Variants in HDAC7 observed in about 807,000 individuals in gnomAD.
The protein encoded by HDAC7 is histone deacetylase 7A.
Under a neutral mutation model 115.5 loss-of-function variants are expected in HDAC7, and 26 were observed. The ratio of observed to expected loss-of-function variants is 0.23; its 90% CI spans 0.16 to 0.31. HDAC7 has a LOEUF of 0.31. Ranked by LOEUF, HDAC7 falls within the 10% of genes least tolerant of loss-of-function variation. The pLI is 1.00. For synonymous variants in HDAC7, 564 were observed against 550.9 expected (o/e 1.02, Z -0.33); for missense variants, 1,068 against 1,329.0 (o/e 0.80, Z 3.05).
rs1416940176 is a variant in HDAC7, at chr12:47,783,503, G to C, written c.*338C>G. 5.7e-6 allele frequency: 2 copies of C among 350,206 alleles called. No individual in the cohort carries two copies. Among genetic ancestry groups the C allele is most frequent in the South Asian group, 2.9e-5 (1 of 34,264 alleles). 21.7% of individuals were successfully genotyped at this position (350,206 alleles called of 1,614,324 possible). A position where few individuals can be genotyped will look rare whatever the true frequency, so the allele number is the denominator to read the frequency against. On this transcript the variant is annotated 3_prime_UTR_variant, in exon 26 of 26. Coordinates refer to ENST00000080059, the MANE Select transcript of HDAC7 (RefSeq NM_015401.5). ...TTGCAGAGCCAGGAATAGTGGTTAAGGGTGAGCCCGACGGAGCCGGAGCCA... is the reference window on the plus strand; with the variant it reads ...TTGCAGAGCCAGGAATAGTGGTTAACGGTGAGCCCGACGGAGCCGGAGCCA...
rs1294500314 is a variant in HDAC7, at chr12:47,798,113, G to A, written c.456C>T (p.Pro152=). ...RTVHPNSPGI[P]YRTLEPLETE... Reference sequence around the variant, plus strand: ...GCAGGTGAGGAGGGTGTTACCTGTAGGGAATGCCGGGGCTGTTGGGATGGA... The same window carrying A: ...GCAGGTGAGGAGGGTGTTACCTGTAAGGAATGCCGGGGCTGTTGGGATGGA... The change falls in exon 5 of 26, where the codon CCC becomes CCT. Residue 152 remains proline (P), a synonymous_variant. Coordinates refer to ENST00000080059, the MANE Select transcript of HDAC7 (RefSeq NM_015401.5). The surrounding 1 kb of genome is among the most constrained non-coding windows in gnomAD (Gnocchi z 4.3). The A allele has an allele frequency of 1.2e-6, 2 of 1,612,356 alleles. No individual in the cohort carries two copies.
At position 47,798,508 on chromosome 12, in the gene HDAC7, C is replaced by T. The variant is rs1943992623; in HGVS notation, c.349+54G>A. 1 of 1,533,164 alleles carries T rather than the reference C, an allele frequency of 6.5e-7. No individual in the cohort carries two copies. 95.0% of individuals were successfully genotyped at this position (1,533,164 alleles called of 1,614,324 possible). A position where few individuals can be genotyped will look rare whatever the true frequency, so the allele number is the denominator to read the frequency against. ...CACCCCTCACAAGCCACACAGGCAG[C>T]CGCAGGCACCTGGCTGGTGGGGCTG... is the stretch of plus-strand genomic sequence containing the variant. On this transcript the variant is annotated intron_variant, in intron 4 of 25. Coordinates refer to ENST00000080059, the MANE Select transcript of HDAC7 (RefSeq NM_015401.5). The surrounding 1 kb of genome is among the most constrained non-coding windows in gnomAD (Gnocchi z 4.3).
upstream of HDAC7, among the ~76,000 whole-genome samples, chr12:47,821,177 G>A (rs1945013117): frequency 6.6e-6 from 1 of 152,198 alleles, no homozygotes; most frequent in Non-Finnish European, 1.5e-5. Context: ...GAAAAATTGA[G>A]GCAGCCCCAG....
chr12:47,789,965 C>T lies in HDAC7; in HGVS notation c.1984-45G>A, dbSNP rs1293212079. On this transcript the variant is annotated intron_variant, in intron 16 of 25. Coordinates refer to ENST00000080059, the MANE Select transcript of HDAC7 (RefSeq NM_015401.5). ...GGCCCGCATCATCCAAGGCTTCACACAGGAGCCAGGGCCCAAGGGGGTGGT... is the reference window on the plus strand; with the variant it reads ...GGCCCGCATCATCCAAGGCTTCACATAGGAGCCAGGGCCCAAGGGGGTGGT... 4 of 1,440,594 alleles carry T rather than the reference C, an allele frequency of 2.8e-6. No individual in the cohort carries two copies. The South Asian group carries it at 3.4e-5, about 12-fold the overall frequency. 89.2% of individuals were successfully genotyped at this position (1,440,594 alleles called of 1,614,324 possible).
In HDAC7 at chr12:47,793,471, A is replaced by C; in HGVS notation, c.1576T>G (p.Ser526Ala). Residue 526 changes from serine (S) to alanine (A), a missense_variant, in exon 13 of 26, where the codon TCC (serine) becomes GCC (alanine). Transcript: ENST00000080059. This position sits in a 1 kb window ranked among gnomAD's most constrained non-coding sequence, Gnocchi z 4.5. ...GHRPLSRAQS[S>A]PAAPASLSAP... ...GACAGTGAGGCAGGTGCGGCTGGGG[A>C]AGACTGAGCCCGGGACAGAGGCCGG... The C allele has an allele frequency of 6.4e-7, 1 of 1,551,988 alleles. No individual in the cohort carries two copies. The highest frequency in any genetic ancestry group is 1.4e-5 in the African/African-American group (1 of 73,672).
At position 47,795,522 on chromosome 12, in the gene HDAC7, C is replaced by T. The variant is rs1943767466; in HGVS notation, c.1087+65G>A. 1 of 1,509,360 alleles carries T rather than the reference C, an allele frequency of 6.6e-7. No individual in the cohort carries two copies. The highest frequency in any genetic ancestry group is 9.0e-7 in the Non-Finnish European group (1 of 1,115,220). 93.5% of individuals were successfully genotyped at this position (1,509,360 alleles called of 1,614,324 possible). ...AGATGGGGAGGAAGGATGGGTCCAT[C>T]CCAAGCTTGGCTCTTAGCAGGGTGC... On this transcript the variant is annotated intron_variant, in intron 10 of 25. Transcript: ENST00000080059. This position sits in a 1 kb window ranked among gnomAD's most constrained non-coding sequence, Gnocchi z 4.3.
chr12:47,795,750 C>T lies in HDAC7; in HGVS notation c.924G>A (p.Arg308=), dbSNP rs1412032751. ...CCCGAGGGCCCAGAGTCGGATGGGT[C>T]CTGCGGTCACTGTCAGCCTGGGGGA... The part of the protein sequence containing the change: ...PAPARADSDR[R]THPTLGPRGP... The change falls in exon 10 of 26, where the codon AGG becomes AGA. Residue 308 remains arginine, a synonymous_variant. Coordinates refer to ENST00000080059, the MANE Select transcript of HDAC7 (RefSeq NM_015401.5). The surrounding 1 kb of genome is among the most constrained non-coding windows in gnomAD (Gnocchi z 4.3). The T allele has an allele frequency of 3.3e-6, 5 of 1,536,950 alleles. No individual in the cohort carries two copies. Among genetic ancestry groups the T allele is most frequent in the Non-Finnish European group, 4.4e-6 (5 of 1,139,536 alleles).
chr12:47,799,044 C>G (rs1349834251), intron 2 of HDAC7, 72 bp from the exon 3 acceptor site: 2 of 1,020,404 alleles, frequency 2.0e-6, no homozygotes. Flanking sequence ...CCTGATCCCC[C>G]CTCAGCCTCC....
rs932772998 is a variant in HDAC7, at chr12:47,789,926, G to A, written c.1984-6C>T. The A allele has an allele frequency of 6.2e-7, 1 of 1,604,170 alleles. No homozygotes were observed. Among genetic ancestry groups the A allele is most frequent in the African/African-American group, 1.3e-5 (1 of 74,900 alleles). On this transcript the variant is annotated splice_polypyrimidine_tract_variant and splice_region_variant and intron_variant, in intron 16 of 25. Transcript: ENST00000080059. ...CAGATGGTGTCAGTGTCCACCTGCG[G>A]GAGCCAGAGTCAGGGCCCGCATCAT...
In HDAC7 at chr12:47,792,040, G is replaced by A. The variant is rs370233133; in HGVS notation, c.1679-36C>T. On this transcript the variant is annotated intron_variant, in intron 13 of 25. Coordinates refer to ENST00000080059, the MANE Select transcript of HDAC7 (RefSeq NM_015401.5). ...AAGGGTCAGAGCGGGGACCCAGGGA[G>A]TCCTCACGCCCCATGGCCTTGGCTG... is the stretch of plus-strand genomic sequence containing the variant. 7 of 1,572,340 alleles carry A rather than the reference G, an allele frequency of 4.5e-6. No homozygotes were observed. In the African/African-American group the frequency reaches 9.4e-5, roughly 21 times the overall value.
Position 47,798,390 on chromosome 12 carries a change from C to A in HDAC7, c.350-171G>T, listed in dbSNP as rs547227029. Among the ~76,000 whole-genome samples, 259 of 152,118 alleles carry A rather than the reference C, an allele frequency of 1.7e-3. No homozygotes were observed. Among genetic ancestry groups the A allele is most frequent in the Admixed American group, 3.1e-3 (47 of 15,294 alleles). ...CCTAGAGCCTCCAGACACCACCCCC[C>A]ACCCCCACATCCCCCACACATTCAC... On this transcript the variant is annotated intron_variant, in intron 4 of 25. Coordinates refer to ENST00000080059, the MANE Select transcript of HDAC7 (RefSeq NM_015401.5). The surrounding 1 kb of genome is among the most constrained non-coding windows in gnomAD (Gnocchi z 4.3).
intron 15 of HDAC7, 62 bp from the exon 16 acceptor site, chr12:47,791,370 G>A: frequency 6.7e-7 from 1 of 1,487,586 alleles, no homozygotes; most frequent in Non-Finnish European, 9.0e-7. Flanking sequence ...CCAACAGGGA[G>A]CAGGGAGCCC....
chr12:47,808,943 T>C (rs971297090), intron 1 of HDAC7, among the ~76,000 whole-genome samples: 1 of 152,212 alleles, frequency 6.6e-6, no homozygotes, highest in African/African-American at 2.4e-5. Flanking sequence ...TTCACCATGA[T>C]GTCTAACTAC....
In HDAC7 at chr12:47,791,941, G is replaced by C; in HGVS notation, c.1742C>G (p.Pro581Arg). The C allele has an allele frequency of 6.2e-7, 1 of 1,610,686 alleles. No individual in the cohort carries two copies. ...QCSCGDNSRH[P>R]EHAGRIQSIW... is the part of the protein sequence containing the mutation. ...GCTCTGGATGCGGCCGGCGTGCTCC[G>C]GGTGCCTGCTGTTGTCACCGCAGGA... The change falls in exon 14 of 26, where the codon CCG becomes CGG. Residue 581 changes from proline (P) to arginine (R), a missense_variant. Physicochemically the swap from Pro to Arg is moderately radical, Grantham distance 103. This residue lies in a region of HDAC7 where 618 missense variants were observed against 701.5 expected (regional missense o/e 0.88). Coordinates refer to ENST00000080059, the MANE Select transcript of HDAC7 (RefSeq NM_015401.5).
At chr12:47,785,978 A>G (rs1289059993) in intron 22 of HDAC7, 93 bp from the exon 23 acceptor site, 30 of 1,253,922 alleles carry the variant, frequency 2.4e-5, no homozygotes, top group Non-Finnish European at 2.9e-5. Context: ...TTCCTCCCTA[A>G]TAAAGAATGA....
chr12:47,791,520 G>A, intron 15 of HDAC7, 66 bp downstream of exon 15: 3 of 1,547,476 alleles, frequency 1.9e-6, no homozygotes, highest in Non-Finnish European at 2.6e-6. Flanking sequence ...GCAGAGCCGA[G>A]ACAGGAGTGC....
At chr12:47,790,962 A>G (rs1010432069) in intron 16 of HDAC7, 27 of 501,266 alleles carry the variant, frequency 5.4e-5, no homozygotes, top group African/African-American at 5.0e-4. Context: ...TTGAAGGGAG[A>G]GATGATCCTA....
In HDAC7 at chr12:47,797,509, G is replaced by A. The variant is rs1473269209; in HGVS notation, c.462-10C>T. On this transcript the variant is annotated splice_polypyrimidine_tract_variant and intron_variant, in intron 5 of 25. Coordinates refer to ENST00000080059, the MANE Select transcript of HDAC7 (RefSeq NM_015401.5). The surrounding 1 kb of genome is among the most constrained non-coding windows in gnomAD (Gnocchi z 5.5). ...CAGGGGCTCCAGGGTTCTACAGAAC[G>A]AGTGCCAAGGCTGCTTCAGAGGTGT... is the stretch of plus-strand genomic sequence containing the variant. 19 of 1,596,068 alleles carry A rather than the reference G, an allele frequency of 1.2e-5. No individual in the cohort carries two copies. Among genetic ancestry groups the A allele is most frequent in the South Asian group, 9.0e-5 (8 of 89,114 alleles).
chr12:47,798,570 C>T lies in HDAC7; in HGVS notation c.341G>A (p.Ser114Asn). The change falls in exon 4 of 26, where the codon AGC (serine) becomes AAC (asparagine). Residue 114 changes from serine to asparagine, a missense_variant. Transcript: ENST00000080059. This position sits in a 1 kb window ranked among gnomAD's most constrained non-coding sequence, Gnocchi z 4.3. ...ELRQLLHKDKSKRSAVASSVV... is the reference protein window; with the variant it reads ...ELRQLLHKDKNKRSAVASSVV... ...GGTGGCCACCTCCTTACTTCGCTTGCTCTTGTCCTTGTGGAGAAGCTGCCG... is the reference window on the plus strand; with the variant it reads ...GGTGGCCACCTCCTTACTTCGCTTGTTCTTGTCCTTGTGGAGAAGCTGCCG... The T allele has an allele frequency of 6.2e-7, 1 of 1,613,886 alleles. No homozygotes were observed. Among genetic ancestry groups the T allele is most frequent in the Non-Finnish European group, 8.5e-7 (1 of 1,179,874 alleles).
Sources: allele counts gnomAD v4.1 joint callset (sites outside exome capture counted in the v4.1 genomes callset), GRCh38; gene constraint gnomAD v4.1.1; regional missense constraint gnomAD v4.1.1; non-coding constraint Gnocchi (gnomAD v3.1); transcripts MANE v1.5; gene names NCBI Gene and HGNC (gene_info 2026-07-23, HGNC 2026-07-21).